The following PLEKHH2 variants were observed in gnomAD, a reference collection of about 807,000 sequenced individuals.
PLEKHH2 encodes pleckstrin homology domain-containing family H member 2.
A neutral mutation model predicts 187.9 loss-of-function variants in PLEKHH2; 129 were observed. The ratio of observed to expected loss-of-function variants is 0.69; its 90% CI spans 0.59 to 0.79. The LOEUF (loss-of-function observed/expected upper bound fraction) is 0.79. Ranked by LOEUF, PLEKHH2 falls within the 30% of genes least tolerant of loss-of-function variation. PLEKHH2 has a pLI of 0.00. For missense variants in PLEKHH2, 2,076 were observed against 1,751.2 expected, an observed-to-expected ratio of 1.19 and a Z score of -3.31; for synonymous variants, 686 against 605.6, an observed-to-expected ratio of 1.13 and a Z score of -1.95.
At chr2:43,740,293 A>T (rs916099547) in intron 20 of PLEKHH2, among the ~76,000 whole-genome samples, 9 of 152,228 alleles carry the variant, frequency 5.9e-5, no homozygotes, top group Non-Finnish European at 1.0e-4. Context: ...GAAATTAAAA[A>T]AATTTTTTTG....
At chr2:43,718,332 G>T (rs1670312049) in intron 15 of PLEKHH2, among the ~76,000 whole-genome samples, 1 of 152,272 alleles carries the variant, frequency 6.6e-6, no homozygotes, top group Admixed American at 6.5e-5. Context: ...AAGGTCAAGA[G>T]ATTGAGACCA....
At chr2:43,653,899 C>A (rs897212644) in intron 2 of PLEKHH2, among the ~76,000 whole-genome samples, 11 of 152,286 alleles carry the variant, frequency 7.2e-5, no homozygotes, top group African/African-American at 2.6e-4. Flanking sequence ...CTCTGAATAT[C>A]ACACATAGTT....
At chr2:43,660,007 C>T (rs928937488) in intron 2 of PLEKHH2, among the ~76,000 whole-genome samples, 1 of 152,220 alleles carries the variant, frequency 6.6e-6, no homozygotes, top group African/African-American at 2.4e-5. Context: ...CTATTTCCAT[C>T]ACCTCAGAAA....
chr2:43,678,329 A>C lies in PLEKHH2; in HGVS notation c.124-534A>C, dbSNP rs1165026599. Reference sequence around the variant, plus strand: ...GGGTGGCGGCCGGGCAGAGGCTGCAATCTCGGCACTTTGGGCGGCCAAGGC... The same window carrying C: ...GGGTGGCGGCCGGGCAGAGGCTGCACTCTCGGCACTTTGGGCGGCCAAGGC... On this transcript the variant is annotated intron_variant, in intron 2 of 29. Coordinates refer to ENST00000282406, the MANE Select transcript of PLEKHH2 (RefSeq NM_172069.4). Among the ~76,000 whole-genome samples the C allele has an allele frequency of 2.6e-5, 4 of 152,114 alleles. No homozygotes were observed. In the East Asian group the frequency reaches 7.7e-4, roughly 29 times the overall value.
chr2:43,668,321 C>T (rs1039226690), intron 2 of PLEKHH2, among the ~76,000 whole-genome samples: 9 of 152,162 alleles, frequency 5.9e-5, no homozygotes, highest in Non-Finnish European at 1.3e-4. Context: ...CATGAGCCAT[C>T]GCACCTGGCC....
At chr2:43,704,220 G>T (rs1669535756) in intron 9 of PLEKHH2, among the ~76,000 whole-genome samples, 164 bp downstream of exon 9, 1 of 152,234 alleles carries the variant, frequency 6.6e-6, no homozygotes, top group African/African-American at 2.4e-5. Context: ...AAAGTAGAAT[G>T]GCGGTTACCA....
intron 8 of PLEKHH2, among the ~76,000 whole-genome samples, chr2:43,700,978 C>T (rs1340184420): frequency 6.6e-6 from 1 of 152,152 alleles, no homozygotes; most frequent in East Asian, 1.9e-4. Context: ...CAGCTTTGTT[C>T]TGACGTTTTC....
At chr2:43,641,232 A>G (rs1330902361) in intron 1 of PLEKHH2, among the ~76,000 whole-genome samples, 3 of 152,066 alleles carry the variant, frequency 2.0e-5, no homozygotes, top group Non-Finnish European at 4.4e-5. Flanking sequence ...CACTTTCTTG[A>G]TAGTGTCCTT....
intron 3 of PLEKHH2, among the ~76,000 whole-genome samples, chr2:43,684,968 A>G (rs1668429241): frequency 6.6e-6 from 1 of 152,160 alleles, no homozygotes; most frequent in Non-Finnish European, 1.5e-5. Context: ...TTTCTTTACA[A>G]TTACTTCATA....
Position 43,705,778 on chromosome 2 carries a change from T to C in PLEKHH2, c.1727-544T>C, listed in dbSNP as rs566078096. Among the ~76,000 whole-genome samples the C allele has an allele frequency of 2.6e-5, 4 of 151,920 alleles. No individual in the cohort carries two copies. The South Asian group carries it at 8.3e-4, about 32-fold the overall frequency. ...CTGAGATTACAGGTGTATGCCACCA[T>C]GTTTGGTTTTAGTAGAGAAAGGGTT... On this transcript the variant is annotated intron_variant, in intron 9 of 29. Transcript: ENST00000282406.
rs1173694680 is a variant in PLEKHH2, at chr2:43,712,313, G to A, written c.2390G>A (p.Arg797Gln). Reference protein sequence around the residue: ...EWIKVLQNVLRVQAANPLSLQ... With the variant: ...EWIKVLQNVLQVQAANPLSLQ... ...ATTAAAGTGTTACAGAATGTTCTTCGAGTACAAGCTGCCAACCCACTTTCC... is the reference window on the plus strand; with the variant it reads ...ATTAAAGTGTTACAGAATGTTCTTCAAGTACAAGCTGCCAACCCACTTTCC... Residue 797 changes from arginine (R) to glutamine (Q), a missense_variant, in exon 15 of 30, where the codon CGA (arginine) becomes CAA (glutamine). Transcript: ENST00000282406. The A allele has an allele frequency of 6.2e-7, 1 of 1,613,874 alleles. No individual in the cohort carries two copies. Among genetic ancestry groups the A allele is most frequent in the Non-Finnish European group, 8.5e-7 (1 of 1,179,892 alleles).
intron 2 of PLEKHH2, chr2:43,658,995 C>G (rs934089500): frequency 7.2e-5 from 7 of 97,158 alleles, no homozygotes; most frequent in African/African-American, 3.0e-4. Flanking sequence ...TTTTTTGAAA[C>G]AGAGTCTCAC....
intron 22 of PLEKHH2, 110 bp downstream of exon 22, chr2:43,743,028 A>C (rs773908336): frequency 9.0e-5 from 71 of 785,148 alleles, no homozygotes; most frequent in Non-Finnish European, 1.2e-4. Flanking sequence ...AGTGACAAAC[A>C]TGCAAATATA....
intron 2 of PLEKHH2, among the ~76,000 whole-genome samples, chr2:43,669,710 C>CT (rs372867490): frequency 0.04 from 5,931 of 146,606 alleles, 160 homozygotes; most frequent in Middle Eastern, 0.13. Context: ...AAGGAAGAAA[C>CT]TTTTTTTTTT....
At chr2:43,712,439 A>G in intron 15 of PLEKHH2, 56 bp downstream of exon 15, 1 of 1,535,440 alleles carries the variant, frequency 6.5e-7, no homozygotes. Context: ...TGAGCCCATG[A>G]TCGCTGAAAA....
chr2:43,698,714 C>G (rs1348028918), intron 7 of PLEKHH2, among the ~76,000 whole-genome samples: 1 of 152,122 alleles, frequency 6.6e-6, no homozygotes, highest in African/African-American at 2.4e-5. Context: ...GCCTCTAGTT[C>G]CTTAATTATG....
At chr2:43,663,991 G>C (rs1340868369) in intron 2 of PLEKHH2, among the ~76,000 whole-genome samples, 1 of 115,212 alleles carries the variant, frequency 8.7e-6, no homozygotes, top group South Asian at 2.9e-4. Flanking sequence ...TATTAGGTCC[G>C]CTTGGTGCAG....
chr2:43,675,145 G>A (rs1667676963), intron 2 of PLEKHH2: 6 of 387,464 alleles, frequency 1.5e-5, no homozygotes, highest in African/African-American at 1.2e-4. Context: ...TAAAAAGCAG[G>A]TGAAATTAAT....
intron 2 of PLEKHH2, among the ~76,000 whole-genome samples, chr2:43,650,144 CTTTTTTTTTTT>C (rs70965311): frequency 1.0e-5 from 1 of 95,664 alleles, no homozygotes; most frequent in Non-Finnish European, 2.0e-5. Context: ...TTTTTCTTTC[CTTTTTTTTTTT>C]TTTTTTTTTT....
Sources: gnomAD v4.1 joint callset for allele counts (sites outside exome capture counted in the v4.1 genomes callset) on GRCh38, gnomAD v4.1.1 for gene constraint, MANE v1.5 for transcripts, NCBI Gene and HGNC (gene_info 2026-07-23, HGNC 2026-07-21) for gene names.